GPM6A: variants seen among roughly 807,000 people sequenced by gnomAD.
The protein encoded by GPM6A is neuronal membrane glycoprotein M6-a.
In GPM6A, 7 loss-of-function variants were observed where a neutral mutation model predicts 32.1. That is an observed-to-expected ratio of 0.22 (90% CI 0.12 to 0.41). The LOEUF (loss-of-function observed/expected upper bound fraction) is 0.41. Among genes scored for constraint, GPM6A ranks in the 10% least tolerant of loss-of-function variants. The pLI, the probability that GPM6A is intolerant of heterozygous loss-of-function variation, is 1.00. For synonymous variants in GPM6A, 130 were observed against 123.4 expected, an observed-to-expected ratio of 1.05 and a Z score of -0.35; for missense variants, 235 against 347.2, an observed-to-expected ratio of 0.68 and a Z score of 2.57.
chr4:175,790,700 T>C (rs1733977939), intron 1 of GPM6A, among the ~76,000 whole-genome samples: 1 of 152,210 alleles, frequency 6.6e-6, no homozygotes, highest in Admixed American at 6.5e-5. Context: ...TAGGGAAAGT[T>C]GTATATCCTT....
intron 1 of GPM6A, among the ~76,000 whole-genome samples, chr4:175,706,200 T>C (rs1184168069): frequency 1.3e-5 from 2 of 151,060 alleles, no homozygotes; most frequent in Admixed American, 6.6e-5. Context: ...ATAGAAGAAA[T>C]AGAAAAAGAA....
chr4:175,891,670 C>T (rs1425315442), intron 1 of GPM6A: 1 of 152,110 alleles, frequency 6.6e-6, no homozygotes, highest in African/African-American at 2.4e-5. Context: ...AATTTCAGGA[C>T]AGTAGTTATT....
At chr4:175,820,500 CT>C (rs66569311) in intron 1 of GPM6A, among the ~76,000 whole-genome samples, 7,250 of 111,870 alleles carry the variant, frequency 0.065, 490 homozygotes, top group African/African-American at 0.24. Context: ...TCTTTTCTTT[CT>C]TTTTTTTTTT....
intron 1 of GPM6A, among the ~76,000 whole-genome samples, chr4:175,943,341 T>C (rs1170737427): frequency 6.6e-6 from 1 of 152,234 alleles, no homozygotes; most frequent in African/African-American, 2.4e-5. Context: ...CAATTTGACT[T>C]CCTCTATTCC....
chr4:175,807,957 A>G (rs564133138), intron 1 of GPM6A, among the ~76,000 whole-genome samples: 1 of 152,308 alleles, frequency 6.6e-6, no homozygotes, highest in African/African-American at 2.4e-5. Flanking sequence ...CATTAGTACC[A>G]CTTAAGGTTA....
chr4:175,945,942 G>A (rs569174493), intron 1 of GPM6A, among the ~76,000 whole-genome samples: 12 of 151,780 alleles, frequency 7.9e-5, no homozygotes, highest in East Asian at 1.9e-4. Flanking sequence ...TAAGTAATAC[G>A]GGTGCATATT....
At chr4:175,645,107 A>G (rs1021199662) in intron 4 of GPM6A, among the ~76,000 whole-genome samples, 2 of 152,098 alleles carry the variant, frequency 1.3e-5, no homozygotes, top group Admixed American at 1.3e-4. Context: ...CAAAAATAAT[A>G]AAAATAATAA....
At chr4:175,952,148 G>A (rs2126377211) in intron 1 of GPM6A, among the ~76,000 whole-genome samples, 1 of 152,310 alleles carries the variant, frequency 6.6e-6, no homozygotes, top group East Asian at 1.9e-4. Context: ...TCAGAGACAA[G>A]TAACTAAAAC....
chr4:175,932,717 T>C (rs1246727372), intron 1 of GPM6A, among the ~76,000 whole-genome samples: 6 of 152,138 alleles, frequency 3.9e-5, no homozygotes, highest in Non-Finnish European at 7.4e-5. Context: ...AAGAACACTG[T>C]TTTATGGTTC....
At chr4:175,899,300 A>G (rs1292028566) in intron 1 of GPM6A, among the ~76,000 whole-genome samples, 4 of 152,196 alleles carry the variant, frequency 2.6e-5, no homozygotes, top group Admixed American at 1.3e-4. Context: ...TAAATAGTAC[A>G]AAACAATTTT....
At chr4:175,841,239 T>C (rs1324669488) in intron 1 of GPM6A, among the ~76,000 whole-genome samples, 1 of 152,198 alleles carries the variant, frequency 6.6e-6, no homozygotes, top group African/African-American at 2.4e-5. Flanking sequence ...TGTATTTATA[T>C]AATTAACAGT....
At chr4:175,675,779 A>G (rs1483348146) in intron 2 of GPM6A, among the ~76,000 whole-genome samples, 1 of 152,068 alleles carries the variant, frequency 6.6e-6, no homozygotes, top group Non-Finnish European at 1.5e-5. Context: ...CCTCCCAAGT[A>G]GTAGAGACTA....
chr4:175,705,978 A>T (rs1304292811), intron 1 of GPM6A, among the ~76,000 whole-genome samples: 2 of 152,184 alleles, frequency 1.3e-5, no homozygotes, highest in African/African-American at 4.8e-5. Flanking sequence ...CACTACCTAT[A>T]TACACAAAGA....
chr4:175,871,388 T>G (rs1332961966), intron 1 of GPM6A, among the ~76,000 whole-genome samples: 1 of 152,082 alleles, frequency 6.6e-6, no homozygotes, highest in African/African-American at 2.4e-5. Context: ...GAGAATCACT[T>G]GAACCCAGGA....
intron 1 of GPM6A, among the ~76,000 whole-genome samples, chr4:175,793,006 C>T (rs1286429295): frequency 2.6e-5 from 4 of 152,092 alleles, no homozygotes; most frequent in African/African-American, 7.2e-5. Flanking sequence ...TGGTGAAACC[C>T]CATTTCTATA....
intron 1 of GPM6A, among the ~76,000 whole-genome samples, chr4:175,762,205 T>C (rs980055343): frequency 2.6e-5 from 4 of 152,220 alleles, no homozygotes; most frequent in Non-Finnish European, 5.9e-5. Context: ...ACACTTAGTA[T>C]GCATTTTATG....
intron 1 of GPM6A, among the ~76,000 whole-genome samples, chr4:175,897,011 T>TC (rs1344560226): frequency 1.3e-5 from 2 of 151,984 alleles, no homozygotes; most frequent in African/African-American, 4.8e-5. Flanking sequence ...GCCTCATGAA[T>TC]CAGTCAGGGC....
chr4:175,869,299 ATAT>A (rs1006469761), intron 1 of GPM6A, among the ~76,000 whole-genome samples: 29 of 152,250 alleles, frequency 1.9e-4, no homozygotes, highest in African/African-American at 6.5e-4. Flanking sequence ...TATTTTCCTA[ATAT>A]TATGTTGATC....
intron 1 of GPM6A, among the ~76,000 whole-genome samples, chr4:175,784,785 G>A (rs1277659061): frequency 6.6e-6 from 1 of 152,078 alleles, no homozygotes; most frequent in Non-Finnish European, 1.5e-5. Context: ...GCTAGAGGCT[G>A]AGGCAATACT....
Sources: gnomAD v4.1 joint callset for allele counts (sites outside exome capture counted in the v4.1 genomes callset) on GRCh38, gnomAD v4.1.1 for gene constraint, MANE v1.5 for transcripts, NCBI Gene and HGNC (gene_info 2026-07-23, HGNC 2026-07-21) for gene names.